The following NTRK3 variants were observed in gnomAD, a reference collection of about 807,000 sequenced individuals.
NTRK3 encodes the protein neurotrophic receptor tyrosine kinase 3, also known as NT-3 growth factor receptor.
In NTRK3, 24 loss-of-function variants were observed where a neutral mutation model predicts 91.7. The observed-to-expected ratio is 0.26, with a 90% CI of 0.19 to 0.37. The LOEUF (loss-of-function observed/expected upper bound fraction) is 0.37, where lower values mean the gene tolerates loss of function less well. Ranked by LOEUF, NTRK3 falls within the 10% of genes least tolerant of loss-of-function variation. The probability of loss-of-function intolerance (pLI) is 1.00; values close to 1 mark genes in which losing one functional copy is unlikely to be tolerated. For synonymous variants in NTRK3, 483 were observed against 404.0 expected, an observed-to-expected ratio of 1.20 and a Z score of -2.34; for missense variants, 880 against 1,068.9, an observed-to-expected ratio of 0.82 and a Z score of 2.46.
intron 5 of NTRK3, among the ~76,000 whole-genome samples, chr15:88,151,685 A>G (rs2043393277): frequency 6.6e-6 from 1 of 152,220 alleles, no homozygotes; most frequent in Non-Finnish European, 1.5e-5. Flanking sequence ...AGGAGACATT[A>G]AGCCCCATCC....
chr15:88,102,481 GT>G (rs1271686210), intron 13 of NTRK3, among the ~76,000 whole-genome samples: 1 of 152,146 alleles, frequency 6.6e-6, no homozygotes, highest in Non-Finnish European at 1.5e-5. Context: ...TTTATTACCT[GT>G]TTCAAAATCA....
At chr15:88,054,863 C>T (rs966510093) in intron 13 of NTRK3, among the ~76,000 whole-genome samples, 1 of 151,966 alleles carries the variant, frequency 6.6e-6, no homozygotes, top group Non-Finnish European at 1.5e-5. Context: ...TTCCAAAGTG[C>T]AAGTGATTTT....
chr15:87,936,541 C>CTT (rs11295279), intron 15 of NTRK3, among the ~76,000 whole-genome samples: 2 of 139,746 alleles, frequency 1.4e-5, no homozygotes, highest in Non-Finnish European at 1.6e-5. Context: ...ATCTTACTTT[C>CTT]TTTTTTTTTT....
At chr15:88,009,701 T>C (rs921539664) in intron 14 of NTRK3, among the ~76,000 whole-genome samples, 16 of 152,178 alleles carry the variant, frequency 1.1e-4, no homozygotes, top group Admixed American at 3.3e-4. Flanking sequence ...TTTGCAGATA[T>C]GATGTTAAAT....
At chr15:88,249,020 T>A (rs1210985073) in intron 3 of NTRK3, among the ~76,000 whole-genome samples, 1 of 152,180 alleles carries the variant, frequency 6.6e-6, no homozygotes, top group Non-Finnish European at 1.5e-5. Context: ...GGAGAGGCCA[T>A]GCCTGGAGGA....
chr15:88,213,361 G>A (rs1257613834), intron 3 of NTRK3, among the ~76,000 whole-genome samples: 1 of 152,170 alleles, frequency 6.6e-6, no homozygotes. Context: ...TTCTATCCTT[G>A]CAGCCTGAAT....
rs140012088 is a variant in NTRK3 at position 88,189,406 on chromosome 15, A to C, written c.249-5107T>G. On this transcript the variant is annotated intron_variant, in intron 3 of 18. Transcript: ENST00000394480. ...AACATTCTTTGTGCTAGAATAAATT[A>C]GATTGCAATTCCTTTTTTTTTTTTC... Among the ~76,000 whole-genome samples the C allele has an allele frequency of 2.0e-5, 3 of 147,058 alleles. No homozygotes were observed. In the East Asian group the frequency reaches 5.9e-4, roughly 29 times the overall value.
At chr15:88,210,547 T>G (rs546515537) in intron 3 of NTRK3, among the ~76,000 whole-genome samples, 71 of 152,282 alleles carry the variant, frequency 4.7e-4, no homozygotes, top group African/African-American at 1.7e-3. Flanking sequence ...GAGGGAAAGC[T>G]CAGATGCAGG....
intron 14 of NTRK3, among the ~76,000 whole-genome samples, chr15:88,029,567 G>A (rs2078347147): frequency 6.6e-6 from 1 of 152,180 alleles, no homozygotes; most frequent in African/African-American, 2.4e-5. Context: ...TTATGTTCAT[G>A]CAATTCCACC....
At position 87,871,911 on chromosome 15, in the gene NTRK3, A is replaced by G. The variant is rs111456929; in HGVS notation, c.*5024T>C. On this transcript the variant is annotated 3_prime_UTR_variant, in exon 19 of 19. Transcript: ENST00000394480. ...CCCAAGCCCATATTGATGTCTTAAT[A>G]ATGATGCATAAACTTGGAATTTTCC... 5.6e-3 allele frequency: 1,248 copies of G among 221,290 alleles called. 14 individuals are homozygous for G. The highest frequency in any genetic ancestry group is 0.019 in the African/African-American group (855 of 44,828). The allele number at this position is 221,290 out of a possible 1,614,324, so 13.7% of individuals were successfully genotyped here. A position where few individuals can be genotyped will look rare whatever the true frequency, so the allele number is the denominator to read the frequency against.
intron 3 of NTRK3, among the ~76,000 whole-genome samples, chr15:88,236,094 G>T (rs1193720210): frequency 6.6e-6 from 1 of 152,034 alleles, no homozygotes; most frequent in East Asian, 1.9e-4. Context: ...TCACTCCTGG[G>T]GAATGACCCA....
intron 17 of NTRK3, among the ~76,000 whole-genome samples, chr15:87,901,244 G>GAA (rs1435008973): frequency 6.6e-6 from 1 of 152,244 alleles, no homozygotes; most frequent in Non-Finnish European, 1.5e-5. Context: ...GAACCTACAA[G>GAA]AAAGTCTTAA....
At chr15:88,062,373 C>A (rs1323813979) in intron 13 of NTRK3, among the ~76,000 whole-genome samples, 1 of 152,204 alleles carries the variant, frequency 6.6e-6, no homozygotes, top group African/African-American at 2.4e-5. Flanking sequence ...ATTAGCTGAG[C>A]ACATGTCTTC....
At chr15:88,145,254 C>A in intron 6 of NTRK3, among the ~76,000 whole-genome samples, 1 of 152,196 alleles carries the variant, frequency 6.6e-6, no homozygotes, top group East Asian at 1.9e-4. Context: ...CAACACGCGG[C>A]CCCTCCAGCC....
At chr15:88,028,920 C>G (rs781452162) in intron 14 of NTRK3, among the ~76,000 whole-genome samples, 3 of 152,242 alleles carry the variant, frequency 2.0e-5, no homozygotes, top group Non-Finnish European at 4.4e-5. Context: ...AGCCCTCATC[C>G]ATGAACAACT....
intron 17 of NTRK3, among the ~76,000 whole-genome samples, chr15:87,918,763 G>A (rs974133428): frequency 5.3e-5 from 8 of 152,276 alleles, no homozygotes; most frequent in South Asian, 2.1e-4. Flanking sequence ...TGGATCTTGC[G>A]AATGGCTAGG....
At chr15:87,876,802 G>T in exon 19 of NTRK3, 5 of 1,033,062 alleles carry the variant, frequency 4.8e-6, no homozygotes, top group South Asian at 1.3e-5. Context: ...AGTGTTGTAT[G>T]TGTAGCAGGC....
Position 87,946,249 on chromosome 15 carries a change from C to G in NTRK3, c.1586-5496G>C, listed in dbSNP as rs561724155. ...CTCCTTCAGAGGCCAAAACAGTTTG[C>G]GGGAGGAGGTTGGTCAGACAGTGGA... On this transcript the variant is annotated intron_variant, in intron 14 of 18. Transcript: ENST00000394480. 9.9e-4 allele frequency: 151 copies of G among 152,180 alleles called. 1 individual carries two copies. Among genetic ancestry groups the G allele is most frequent in the African/African-American group, 3.5e-3 (145 of 41,494 alleles). The allele number at this position is 152,180 out of a possible 1,614,324, so 9.4% of individuals were successfully genotyped here. A position where few individuals can be genotyped will look rare whatever the true frequency, so the allele number is the denominator to read the frequency against.
intron 14 of NTRK3, among the ~76,000 whole-genome samples, chr15:87,989,571 C>T (rs998392969): frequency 6.6e-6 from 1 of 151,984 alleles, no homozygotes. Context: ...TTAATGGGTG[C>T]AGCACACCAA....
Sources: allele counts gnomAD v4.1 joint callset (sites outside exome capture counted in the v4.1 genomes callset), GRCh38; gene constraint gnomAD v4.1.1; transcripts MANE v1.5; gene names NCBI Gene and HGNC (gene_info 2026-07-23, HGNC 2026-07-21).